Variants in NIT1 observed in about 807,000 individuals in gnomAD.
NIT1 encodes the protein nitrilase 1.
A neutral mutation model predicts 36.8 loss-of-function variants in NIT1; 30 were observed. That is an observed-to-expected ratio of 0.82 (90% CI 0.61 to 1.11). NIT1 has a LOEUF of 1.11. Ranked by LOEUF, NIT1 falls within the 50% of genes least tolerant of loss-of-function variation. The probability of loss-of-function intolerance (pLI) is 0.00; values close to 1 mark genes in which losing one functional copy is unlikely to be tolerated. For synonymous variants in NIT1, 151 were observed against 155.6 expected (o/e 0.97, Z 0.22); for missense variants, 438 against 410.6 (o/e 1.07, Z -0.58).
chr1:161,122,101 G>C (rs1490387630), downstream of NIT1: 2 of 1,601,580 alleles, frequency 1.2e-6, no homozygotes, highest in Admixed American at 3.4e-5. The surrounding 1 kb of genome is among the most constrained non-coding windows in gnomAD (Gnocchi z 4.2). Flanking sequence ...GTAAGCTCCA[G>C]AGGTGGGTGA....
At position 161,118,151 on chromosome 1, in the gene NIT1, CTGCGAATGGTTT is replaced by C. The variant is rs1262244944; in HGVS notation, c.-23_-12del. ...TCCAGACCGCCCTCCGGATCGGACCCTGCGAATGGTTTTGGCTATATCTTCATGTAGGACCTA... is the reference window on the plus strand; with the variant it reads ...TCCAGACCGCCCTCCGGATCGGACCCTGGCTATATCTTCATGTAGGACCTA... On this transcript the variant is annotated 5_prime_UTR_variant, in exon 1 of 7. An upstream start codon of the reference 5' UTR is lost. Transcript: ENST00000368009. The C allele has an allele frequency of 1.2e-6, 2 of 1,614,030 alleles. No homozygotes were observed. Among genetic ancestry groups the C allele is most frequent in the African/African-American group, 2.7e-5 (2 of 75,074 alleles).
intron 6 of NIT1, 28 bp downstream of exon 6, chr1:161,120,260 G>T: frequency 6.2e-7 from 1 of 1,611,850 alleles, no homozygotes; most frequent in Non-Finnish European, 8.5e-7. Flanking sequence ...TAAAACATAA[G>T]GGCCTTTTCT....
At chr1:161,120,258 A>C in intron 6 of NIT1, 26 bp downstream of exon 6, 1 of 1,612,752 alleles carries the variant, frequency 6.2e-7, no homozygotes, top group Non-Finnish European at 8.5e-7. Context: ...TTTAAAACAT[A>C]AGGGCCTTTT....
intron 1 of NIT1, chr1:161,118,412 AAG>A (rs947572001): frequency 1.3e-5 from 20 of 1,533,378 alleles, no homozygotes; most frequent in Non-Finnish European, 1.7e-5. Context: ...ATTCTGGTGA[AAG>A]GGGAAATATG....
downstream of NIT1, chr1:161,124,231 C>T (rs1655901654): frequency 1.2e-6 from 2 of 1,614,254 alleles, no homozygotes; most frequent in Non-Finnish European, 1.7e-6. Flanking sequence ...TTACTTTCAT[C>T]ACAGCGGCCC....
downstream of NIT1, chr1:161,121,983 G>C: frequency 2.3e-6 from 2 of 869,964 alleles, no homozygotes; most frequent in Non-Finnish European, 1.7e-6. Context: ...GTGCAGGGAG[G>C]GGTGGGGAAT....
At chr1:161,118,607 C>T in intron 1 of NIT1, 179 bp from the exon 2 acceptor site, 6 of 1,534,098 alleles carry the variant, frequency 3.9e-6, no homozygotes, top group Non-Finnish European at 5.2e-6. Flanking sequence ...CTTTCTCCAT[C>T]TTCCCACTGT....
Position 161,118,151 on chromosome 1 carries a change from C to T in NIT1, c.-26C>T, listed in dbSNP as rs780618093. 1.3e-4 allele frequency: 204 copies of T among 1,613,912 alleles called. 6 individuals carry two copies. In the South Asian group the frequency reaches 2.1e-3, roughly 16 times the overall value. On this transcript the variant is annotated 5_prime_UTR_variant, in exon 1 of 7. Coordinates refer to ENST00000368009, the MANE Select transcript of NIT1 (RefSeq NM_005600.3). ...TCCAGACCGCCCTCCGGATCGGACC[C>T]TGCGAATGGTTTTGGCTATATCTTC...
chr1:161,120,151 TC>T lies in NIT1; in HGVS notation c.637del (p.Leu213TrpfsTer41). The T allele has an allele frequency of 6.2e-7, 1 of 1,614,194 alleles. No homozygotes were observed. Among genetic ancestry groups the T allele is most frequent in the Non-Finnish European group, 8.5e-7 (1 of 1,180,044 alleles). On this transcript the variant is annotated frameshift_variant, in exon 6 of 7. Coordinates refer to ENST00000368009, the MANE Select transcript of NIT1 (RefSeq NM_005600.3). LOFTEE classifies it high-confidence loss of function. Reference protein sequence around the residue: ...CYDMRFPELSLALAQAGAEIL... With the variant: ...CYDMRFPELSXALAQAGAEIL... ...ATGACATGCGGTTCCCTGAACTCTCTCTGGCATTGGCTCAAGCTGGAGCAGA... is the reference window on the plus strand; with the variant it reads ...ATGACATGCGGTTCCCTGAACTCTCTTGGCATTGGCTCAAGCTGGAGCAGA...
At chr1:161,124,279 G>A (rs1655908419), downstream of NIT1, 1 of 1,614,206 alleles carries the variant, frequency 6.2e-7, no homozygotes, top group Non-Finnish European at 8.5e-7. Context: ...CGTCCATTTC[G>A]GATGAGTCCA....
Position 161,120,653 on chromosome 1 carries a change from T to C in NIT1, c.872T>C (p.Leu291Pro), listed in dbSNP as rs1381426047. The part of the protein sequence containing the change: ...VVARCSEGPG[L>P]CLARIDLNYL... Reference sequence around the variant, plus strand: ...GCCCGCTGCTCTGAGGGGCCAGGCCTCTGCCTTGCCCGAATAGACCTCAAC... The same window carrying C: ...GCCCGCTGCTCTGAGGGGCCAGGCCCCTGCCTTGCCCGAATAGACCTCAAC... The change falls in exon 7 of 7, where the codon CTC becomes CCC. Residue 291 changes from leucine (L) to proline (P), a missense_variant. By Grantham distance (98) the Leu-to-Pro change is moderately conservative. Transcript: ENST00000368009. The C allele has an allele frequency of 1.2e-6, 2 of 1,614,230 alleles. No homozygotes were observed. Among genetic ancestry groups the C allele is most frequent in the Non-Finnish European group, 1.7e-6 (2 of 1,180,040 alleles).
chr1:161,121,235 C>T (rs1000893680), downstream of NIT1: 27 of 955,792 alleles, frequency 2.8e-5, no homozygotes, highest in South Asian at 4.5e-5. Context: ...TGGGAGTGGG[C>T]GTAGGAGTGG....
At chr1:161,120,060 GACAA>G (rs748000167) in intron 5 of NIT1, 43 bp from the exon 6 acceptor site, 17 of 1,612,350 alleles carry the variant, frequency 1.1e-5, no homozygotes, top group Admixed American at 3.3e-5. Context: ...TAGATGCTGT[GACAA>G]ACAGAGCAGG....
downstream of NIT1, chr1:161,123,162 G>C: frequency 6.2e-7 from 1 of 1,614,160 alleles, no homozygotes; most frequent in Non-Finnish European, 8.5e-7. Context: ...CGGGCTGGCC[G>C]CTTGCTACAC....
chr1:161,122,126 A>C, downstream of NIT1: 1 of 1,610,564 alleles, frequency 6.2e-7, no homozygotes, highest in East Asian at 2.2e-5. This position sits in a 1 kb window ranked among gnomAD's most constrained non-coding sequence, Gnocchi z 4.2. Flanking sequence ...AACAGTCCCC[A>C]AAGTGAGAAG....
Position 161,118,117 on chromosome 1 carries a change from G to T in NIT1, c.-60G>T. 1 of 1,613,518 alleles carries T rather than the reference G, an allele frequency of 6.2e-7. No individual in the cohort carries two copies. Among genetic ancestry groups the T allele is most frequent in the South Asian group, 1.1e-5 (1 of 91,072 alleles). ...CGAGTTACCGCCCACTCGCTGCGGC[G>T]CTTCTGGCTCCAGACCGCCCTCCGG... is the stretch of plus-strand genomic sequence containing the variant. On this transcript the variant is annotated 5_prime_UTR_variant, in exon 1 of 7. Transcript: ENST00000368009.
intron 4 of NIT1, 86 bp from the exon 5 acceptor site, chr1:161,119,733 C>T: frequency 6.3e-7 from 1 of 1,580,734 alleles, no homozygotes; most frequent in Non-Finnish European, 8.6e-7. Flanking sequence ...TACTTCAGTT[C>T]CTAGCCTATA....
chr1:161,120,665 G>A lies in NIT1; in HGVS notation c.884G>A (p.Arg295Gln), dbSNP rs199912934. ...CSEGPGLCLARIDLNYLRQLR... is the reference protein window; with the variant it reads ...CSEGPGLCLAQIDLNYLRQLR... ...GAGGGGCCAGGCCTCTGCCTTGCCC[G>A]AATAGACCTCAACTATCTGCGACAG... Residue 295 changes from arginine (R) to glutamine (Q), a missense_variant, in exon 7 of 7, where the codon CGA becomes CAA. Transcript: ENST00000368009. 5.8e-5 allele frequency: 94 copies of A among 1,614,140 alleles called. No individual in the cohort carries two copies. In the East Asian group the frequency reaches 1.9e-3, roughly 32 times the overall value.
chr1:161,124,091 G>A (rs371582408), downstream of NIT1: 4 of 1,586,920 alleles, frequency 2.5e-6, no homozygotes, highest in South Asian at 2.3e-5. Context: ...GCTCCTTCCT[G>A]GCCTCCCACA....
Sources: allele counts gnomAD v4.1 joint callset, GRCh38; gene constraint gnomAD v4.1.1; non-coding constraint Gnocchi (gnomAD v3.1); transcripts MANE v1.5; gene names NCBI Gene and HGNC (gene_info 2026-07-23, HGNC 2026-07-21).